The following FAM24B variants were observed in gnomAD, a reference collection of about 807,000 sequenced individuals.
FAM24B encodes the protein protein FAM24B.
FAM24B carries 3 observed loss-of-function variants against 2.3 expected under a neutral mutation model. The ratio of observed to expected loss-of-function variants is 1.29; its 90% CI spans 0.59 to 3.32. FAM24B has a LOEUF of 3.32. Among genes scored for constraint, FAM24B ranks in the 30% most tolerant of loss-of-function variants. The pLI is 0.03. For missense variants in FAM24B, 98 were observed against 117.2 expected, an observed-to-expected ratio of 0.84 and a Z score of 0.76; for synonymous variants, 36 against 46.3, an observed-to-expected ratio of 0.78 and a Z score of 0.90.
intron 2 of FAM24B, among the ~76,000 whole-genome samples, chr10:122,853,053 G>GCAAAAAGCAAAACTTAGGGAA (rs1566248270): frequency 6.6e-6 from 1 of 152,066 alleles, no homozygotes; most frequent in Non-Finnish European, 1.5e-5. Context: ...TCACTACCAT[G>GCAAAAAGCAAAACTTAGGGAA]CTATTACTTT....
intron 2 of FAM24B, 107 bp from the exon 3 acceptor site, chr10:122,850,657 A>C: frequency 3.0e-6 from 2 of 667,182 alleles, no homozygotes; most frequent in Admixed American, 4.4e-5. Context: ...CCAAACACAG[A>C]TCCTTATGTG....
chr10:122,870,582 T>C (rs891696395), intron 1 of FAM24B, among the ~76,000 whole-genome samples: 3 of 152,186 alleles, frequency 2.0e-5, no homozygotes, highest in African/African-American at 4.8e-5. Flanking sequence ...AAAAAGCTTA[T>C]CCACCATGAT....
In FAM24B at chr10:122,849,209, T is replaced by C; in HGVS notation, c.*38A>G. 1.4e-6 allele frequency: 2 copies of C among 1,435,830 alleles called. No individual in the cohort carries two copies. The highest frequency in any genetic ancestry group is 1.9e-6 in the Non-Finnish European group (2 of 1,064,920). 88.9% of individuals were successfully genotyped at this position (1,435,830 alleles called of 1,614,324 possible). On this transcript the variant is annotated 3_prime_UTR_variant, in exon 4 of 4. Transcript: ENST00000368898. ...AATAACAAAACAATCTACTAAGAAG[T>C]ATTGCTCATGAAGATTTTTGTGCCC...
At chr10:122,854,558 A>G (rs1847603823) in intron 2 of FAM24B, among the ~76,000 whole-genome samples, 1 of 152,218 alleles carries the variant, frequency 6.6e-6, no homozygotes, top group African/African-American at 2.4e-5. Flanking sequence ...AGATCTGCAA[A>G]TAAATCCCGT....
At position 122,858,350 on chromosome 10, in the gene FAM24B, C is replaced by T. The variant is rs1004716352; in HGVS notation, c.-177-2564G>A. 6.8e-5 allele frequency among the ~76,000 whole-genome samples: 10 copies of T among 146,598 alleles called. No homozygotes were observed. In the South Asian group the frequency reaches 1.1e-3, roughly 16 times the overall value. On this transcript the variant is annotated intron_variant, in intron 1 of 3. Transcript: ENST00000368898. ...TTCTCACTCATAGGCGGGAACTGAA[C>T]GATGAGAACACTTGGACACAGGAAG...
chr10:122,850,774 T>C, intron 2 of FAM24B: 1 of 431,204 alleles, frequency 2.3e-6, no homozygotes, highest in Admixed American at 3.5e-5. Context: ...GGAATGGAAA[T>C]GCAAAGTCCA....
At chr10:122,869,500 C>T (rs1847856467) in intron 1 of FAM24B, among the ~76,000 whole-genome samples, 1 of 152,174 alleles carries the variant, frequency 6.6e-6, no homozygotes, top group Admixed American at 6.5e-5. Context: ...AGCACCACAC[C>T]ACACCTATTC....
chr10:122,869,595 C>T (rs1443224892), intron 1 of FAM24B, among the ~76,000 whole-genome samples: 3 of 152,160 alleles, frequency 2.0e-5, no homozygotes, highest in Non-Finnish European at 4.4e-5. Flanking sequence ...TCTCAGACCA[C>T]AGTGCAATCA....
At chr10:122,850,799 A>G in intron 2 of FAM24B, 1 of 361,954 alleles carries the variant, frequency 2.8e-6, no homozygotes, top group Non-Finnish European at 5.2e-6. Context: ...GAAGGCTATC[A>G]GAAGGACAAA....
At chr10:122,859,982 C>T (rs148182410) in intron 1 of FAM24B, among the ~76,000 whole-genome samples, 1 of 152,112 alleles carries the variant, frequency 6.6e-6, no homozygotes, top group Non-Finnish European at 1.5e-5. Flanking sequence ...TGCCAACACT[C>T]CCGGCAGCTT....
chr10:122,863,896 T>C (rs1306992550), intron 1 of FAM24B, among the ~76,000 whole-genome samples: 1 of 152,168 alleles, frequency 6.6e-6, no homozygotes, highest in Non-Finnish European at 1.5e-5. Flanking sequence ...GCACAAATCC[T>C]ACAAAAGGAC....
chr10:122,878,115 G>A (rs1178302019), intron 1 of FAM24B, among the ~76,000 whole-genome samples: 1 of 152,200 alleles, frequency 6.6e-6, no homozygotes, highest in Non-Finnish European at 1.5e-5. Flanking sequence ...GGCACTAAAT[G>A]ATGAACAGGA....
intron 1 of FAM24B, among the ~76,000 whole-genome samples, chr10:122,873,099 A>G (rs1847924099): frequency 6.6e-6 from 1 of 152,180 alleles, no homozygotes; most frequent in Non-Finnish European, 1.5e-5. Context: ...TAATTCATGA[A>G]GGTGGCCACA....
At chr10:122,867,685 T>C (rs1428942666) in intron 1 of FAM24B, among the ~76,000 whole-genome samples, 1 of 152,236 alleles carries the variant, frequency 6.6e-6, no homozygotes, top group Non-Finnish European at 1.5e-5. Flanking sequence ...AAACAGGGTC[T>C]GGAGTGGACC....
At chr10:122,865,489 A>G (rs1847789433) in intron 1 of FAM24B, among the ~76,000 whole-genome samples, 1 of 152,102 alleles carries the variant, frequency 6.6e-6, no homozygotes, top group African/African-American at 2.4e-5. Flanking sequence ...GTTGATATAT[A>G]ATACTTTTTC....
upstream of FAM24B, chr10:122,879,595 G>A: frequency 6.5e-6 from 1 of 152,894 alleles, no homozygotes; most frequent in Non-Finnish European, 1.5e-5. Context: ...CCGCGCCTGC[G>A]CATGGTCTCC....
chr10:122,873,197 G>A (rs185908881), intron 1 of FAM24B, among the ~76,000 whole-genome samples: 3 of 152,272 alleles, frequency 2.0e-5, no homozygotes, highest in East Asian at 1.9e-4. Context: ...AGAGGTCAAC[G>A]CCTGGCTTCA....
At chr10:122,853,881 T>C (rs1464677808) in intron 2 of FAM24B, among the ~76,000 whole-genome samples, 5 of 152,228 alleles carry the variant, frequency 3.3e-5, no homozygotes, top group Admixed American at 3.3e-4. Context: ...GGGTGACTAC[T>C]TCATCTCTCG....
chr10:122,851,513 G>T (rs944737320), intron 2 of FAM24B, among the ~76,000 whole-genome samples: 1 of 152,170 alleles, frequency 6.6e-6, no homozygotes, highest in Non-Finnish European at 1.5e-5. Flanking sequence ...CTTTCATGGA[G>T]TTCTGAATTC....
Sources: allele counts gnomAD v4.1 joint callset (sites outside exome capture counted in the v4.1 genomes callset), GRCh38; gene constraint gnomAD v4.1.1; transcripts MANE v1.5; gene names NCBI Gene and HGNC (gene_info 2026-07-23, HGNC 2026-07-21).